Variants in KCND3 observed in about 807,000 individuals in gnomAD.
KCND3 encodes potassium voltage-gated channel subfamily D member 3, also known as A-type voltage-gated potassium channel KCND3.
A neutral mutation model predicts 51.1 loss-of-function variants in KCND3; 9 were observed. The observed-to-expected ratio is 0.18, with a 90% CI of 0.11 to 0.31. The LOEUF (loss-of-function observed/expected upper bound fraction) is 0.31, where lower values mean the gene tolerates loss of function less well. Ranked by LOEUF, KCND3 falls within the 10% of genes least tolerant of loss-of-function variation. The pLI, the probability that KCND3 is intolerant of heterozygous loss-of-function variation, is 1.00. For synonymous variants in KCND3, 349 were observed against 368.0 expected (o/e 0.95, Z 0.59); for missense variants, 526 against 903.8 (o/e 0.58, Z 5.36).
Position 111,776,039 on chromosome 1 carries a change from A to T in KCND3, c.*38T>A, listed in dbSNP as rs777278141. ...ACCCACCAACATGCCAGTCCCCTTC[A>T]TTCCCCACTACCCACTCTGGCCCTC... On this transcript the variant is annotated 3_prime_UTR_variant, in exon 8 of 8. Coordinates refer to ENST00000302127, the MANE Select transcript of KCND3 (RefSeq NM_001378969.1). The T allele has an allele frequency of 1.2e-6, 2 of 1,610,030 alleles. No individual in the cohort carries two copies. The highest frequency in any genetic ancestry group is 2.2e-5 in the East Asian group (1 of 44,856).
chr1:111,933,548 TC>T (rs111909331), intron 2 of KCND3, among the ~76,000 whole-genome samples: 2,559 of 152,140 alleles, frequency 0.017, 71 homozygotes, highest in African/African-American at 0.058. Context: ...TCTTAAGATG[TC>T]AGGGGAGGCT....
intron 2 of KCND3, among the ~76,000 whole-genome samples, chr1:111,950,486 G>A (rs1026129924): frequency 3.9e-5 from 6 of 152,184 alleles, no homozygotes; most frequent in Non-Finnish European, 7.3e-5. Flanking sequence ...GATCCAGCCC[G>A]CAGCACTGTG....
intron 2 of KCND3, among the ~76,000 whole-genome samples, chr1:111,961,075 C>G (rs912008376): frequency 3.9e-5 from 6 of 152,232 alleles, no homozygotes; most frequent in African/African-American, 1.4e-4. Flanking sequence ...GGGTGAAGCT[C>G]TCTCTGTCCA....
chr1:111,933,313 C>T (rs1282395407), intron 2 of KCND3, among the ~76,000 whole-genome samples: 2 of 152,178 alleles, frequency 1.3e-5, no homozygotes, highest in Admixed American at 1.3e-4. Context: ...TGGATTAATA[C>T]AAGTACCAAC....
chr1:111,974,147 G>A (rs1323460149), intron 2 of KCND3, among the ~76,000 whole-genome samples: 1 of 152,116 alleles, frequency 6.6e-6, no homozygotes, highest in Non-Finnish European at 1.5e-5. Flanking sequence ...GGTAAGAGTG[G>A]GGAAAAGATG....
At chr1:111,813,047 G>A (rs1006088690) in intron 2 of KCND3, among the ~76,000 whole-genome samples, 25 of 152,192 alleles carry the variant, frequency 1.6e-4, no homozygotes, top group African/African-American at 5.5e-4. Flanking sequence ...GGTAACCACA[G>A]GCTCCTGGGA....
At chr1:111,809,296 G>A (rs780897635) in intron 2 of KCND3, among the ~76,000 whole-genome samples, 3 of 138,152 alleles carry the variant, frequency 2.2e-5, no homozygotes, top group Non-Finnish European at 4.6e-5. Context: ...TTTCAACAGC[G>A]GAAGATTATT....
intron 2 of KCND3, among the ~76,000 whole-genome samples, chr1:111,788,140 C>CA (rs1169943704): frequency 6.6e-6 from 1 of 152,246 alleles, no homozygotes; most frequent in Non-Finnish European, 1.5e-5. Flanking sequence ...GCATGCAGGC[C>CA]AGAGCCTCTG....
At chr1:111,818,807 G>A (rs912748772) in intron 2 of KCND3, among the ~76,000 whole-genome samples, 1 of 152,108 alleles carries the variant, frequency 6.6e-6, no homozygotes, top group Non-Finnish European at 1.5e-5. Context: ...AGGAGTGCAA[G>A]CCACAGGTGC....
intron 2 of KCND3, among the ~76,000 whole-genome samples, chr1:111,968,474 C>CAG (rs1371026108): frequency 6.6e-6 from 1 of 152,198 alleles, no homozygotes; most frequent in Admixed American, 6.5e-5. Flanking sequence ...GAAGAGCCAG[C>CAG]AGAGGAGAAA....
chr1:111,948,735 C>CTG (rs1421004024), intron 2 of KCND3, among the ~76,000 whole-genome samples: 1 of 152,056 alleles, frequency 6.6e-6, no homozygotes, highest in Non-Finnish European at 1.5e-5. Flanking sequence ...GCCAGGAGGG[C>CTG]TGGGCAAGAT....
Position 111,780,630 on chromosome 1 carries a change from A to C in KCND3, c.1371+60T>G. On this transcript the variant is annotated intron_variant, in intron 4 of 7. Coordinates refer to ENST00000302127, the MANE Select transcript of KCND3 (RefSeq NM_001378969.1). The surrounding 1 kb of genome is among the most constrained non-coding windows in gnomAD (Gnocchi z 4.2). ...GGTGAGAGTGCTGGTGTCCCGGGAA[A>C]GAGAAAACAAGCCCATCTACCCCTT... The C allele has an allele frequency of 5.7e-6, 8 of 1,392,660 alleles. No individual in the cohort carries two copies. Among genetic ancestry groups the C allele is most frequent in the Non-Finnish European group, 8.0e-6 (8 of 998,640 alleles). The allele number at this position is 1,392,660 out of a possible 1,614,324, so 86.3% of individuals were successfully genotyped here.
chr1:111,874,520 T>G (rs1164376775), intron 2 of KCND3, among the ~76,000 whole-genome samples: 1 of 152,202 alleles, frequency 6.6e-6, no homozygotes, highest in Non-Finnish European at 1.5e-5. Context: ...GGATTGATTT[T>G]TGGTGACAGG....
At chr1:111,791,015 T>A (rs1012440081) in intron 2 of KCND3, among the ~76,000 whole-genome samples, 4 of 152,248 alleles carry the variant, frequency 2.6e-5, no homozygotes, top group Non-Finnish European at 4.4e-5. Context: ...TTATTCTGAA[T>A]AATGCTGCTA....
At chr1:111,958,600 C>G (rs977400558) in intron 2 of KCND3, among the ~76,000 whole-genome samples, 1 of 152,226 alleles carries the variant, frequency 6.6e-6, no homozygotes, top group Admixed American at 6.5e-5. Flanking sequence ...ACTCTTCGTG[C>G]TCCCCATAGC....
At chr1:111,880,906 C>T (rs539613425) in intron 2 of KCND3, among the ~76,000 whole-genome samples, 3 of 152,246 alleles carry the variant, frequency 2.0e-5, no homozygotes, top group Admixed American at 6.5e-5. Flanking sequence ...AGGAAGCTCT[C>T]GGTCCGTCCC....
rs1317832860 is a variant in KCND3 at position 111,770,687 on chromosome 1, G to T, written c.*5390C>A. On this transcript the variant is annotated 3_prime_UTR_variant, in exon 8 of 8. Coordinates refer to ENST00000302127, the MANE Select transcript of KCND3 (RefSeq NM_001378969.1). Reference sequence around the variant, plus strand: ...TTTTAGGGTTTGTGGCACATAATTTGTTTAATCCAGATTGGATACATCAGG... The same window carrying T: ...TTTTAGGGTTTGTGGCACATAATTTTTTTAATCCAGATTGGATACATCAGG... The T allele has an allele frequency of 2.6e-5, 4 of 152,136 alleles. No homozygotes were observed. Among genetic ancestry groups the T allele is most frequent in the Admixed American group, 6.6e-5 (1 of 15,262 alleles). 9.4% of individuals were successfully genotyped at this position (152,136 alleles called of 1,614,324 possible). A position where few individuals can be genotyped will look rare whatever the true frequency, so the allele number is the denominator to read the frequency against.
intron 2 of KCND3, among the ~76,000 whole-genome samples, chr1:111,933,343 G>C (rs1302265709): frequency 6.6e-6 from 1 of 152,158 alleles, no homozygotes; most frequent in Non-Finnish European, 1.5e-5. Flanking sequence ...GTCACTGTGC[G>C]AGGCATATGA....
At chr1:111,976,553 T>A (rs1674638647) in intron 2 of KCND3, among the ~76,000 whole-genome samples, 2 of 152,258 alleles carry the variant, frequency 1.3e-5, no homozygotes. Context: ...TCAAGCTCTG[T>A]GTAAGGCATG....
Sources: allele counts gnomAD v4.1 joint callset (sites outside exome capture counted in the v4.1 genomes callset), GRCh38; gene constraint gnomAD v4.1.1; non-coding constraint Gnocchi (gnomAD v3.1); transcripts MANE v1.5; gene names NCBI Gene and HGNC (gene_info 2026-07-23, HGNC 2026-07-21).